Variants in DLG5 observed in about 807,000 individuals in gnomAD.
DLG5 encodes discs large MAGUK scaffold protein 5.
In DLG5, 48 loss-of-function variants were observed where a neutral mutation model predicts 189.8. The observed-to-expected ratio is 0.25, with a 90% CI of 0.20 to 0.32. The LOEUF (loss-of-function observed/expected upper bound fraction) is 0.32, where lower values mean the gene tolerates loss of function less well. DLG5 is among the 10% of genes least tolerant of loss of function. The probability of loss-of-function intolerance (pLI) is 1.00; values close to 1 mark genes in which losing one functional copy is unlikely to be tolerated. For missense variants in DLG5, 2,160 were observed against 2,544.7 expected (o/e 0.85, Z 3.25); for synonymous variants, 1,016 against 1,054.1 (o/e 0.96, Z 0.70).
chr10:77,932,856 C>T, the DLG5 span, among the ~76,000 whole-genome samples: 1 of 152,324 alleles, frequency 6.6e-6, no homozygotes, highest in East Asian at 1.9e-4. Flanking sequence ...CTCTTCCTAG[C>T]TGCTCAGGTG....
At chr10:77,806,045 G>A (rs1841455230) in intron 26 of DLG5, 184 bp from the exon 27 acceptor site, 2 of 560,012 alleles carry the variant, frequency 3.6e-6, no homozygotes, top group Admixed American at 3.4e-5. Flanking sequence ...CTGCGGGGGT[G>A]ACACAAACAC....
chr10:77,907,321 G>A (rs1307466254), intron 1 of DLG5, among the ~76,000 whole-genome samples: 1 of 152,210 alleles, frequency 6.6e-6, no homozygotes, highest in Non-Finnish European at 1.5e-5. Flanking sequence ...ACTCATGCCT[G>A]TTATCTCAGC....
chr10:77,827,648 A>G lies in DLG5; in HGVS notation c.2289+1234T>C, dbSNP rs548576779. Among the ~76,000 whole-genome samples, 11 of 152,354 alleles carry G rather than the reference A, an allele frequency of 7.2e-5. No individual in the cohort carries two copies. In the South Asian group the frequency reaches 2.1e-3, roughly 29 times the overall value. On this transcript the variant is annotated intron_variant, in intron 13 of 31. Transcript: ENST00000372391. ...ACATGTCTCCAGAGGCTCTGTGCAC[A>G]CAGGTAAAGTTCAATGCAGGACTGT...
At chr10:77,890,076 G>A (rs1333700740) in intron 1 of DLG5, among the ~76,000 whole-genome samples, 3 of 152,114 alleles carry the variant, frequency 2.0e-5, no homozygotes, top group African/African-American at 7.2e-5. Context: ...AGAACCAAGA[G>A]TTGCAAGAAG....
intron 1 of DLG5, among the ~76,000 whole-genome samples, chr10:77,870,840 G>T (rs1272813836): frequency 6.6e-6 from 1 of 152,146 alleles, no homozygotes; most frequent in African/African-American, 2.4e-5. Context: ...GCCCCTGGGG[G>T]ACAGGAGAGA....
chr10:77,887,725 C>T (rs1200787095), intron 1 of DLG5, among the ~76,000 whole-genome samples: 1 of 152,206 alleles, frequency 6.6e-6, no homozygotes, highest in Non-Finnish European at 1.5e-5. Flanking sequence ...AGAAGTAAGG[C>T]TGCTGAGGCC....
chr10:77,877,076 T>C (rs1446633909), intron 1 of DLG5, among the ~76,000 whole-genome samples: 2 of 152,000 alleles, frequency 1.3e-5, no homozygotes, highest in African/African-American at 4.8e-5. Context: ...CACTGGACTT[T>C]TGAGGCCATT....
intron 1 of DLG5, among the ~76,000 whole-genome samples, chr10:77,887,783 A>C (rs1420773177): frequency 1.3e-5 from 2 of 152,218 alleles, no homozygotes; most frequent in Non-Finnish European, 1.5e-5. Flanking sequence ...TTTTAAAGTC[A>C]CGTTCCATTT....
In DLG5 at chr10:77,821,859, T is replaced by G; in HGVS notation, c.2625A>C (p.Gly875=). 6.2e-7 allele frequency: 1 copy of G among 1,613,866 alleles called. No individual in the cohort carries two copies. The highest frequency in any genetic ancestry group is 8.5e-7 in the Non-Finnish European group (1 of 1,179,894). Residue 875 remains glycine, a synonymous_variant, in exon 15 of 32, where the codon GGA becomes GGC. Transcript: ENST00000372391. The stretch of plus-strand genomic sequence containing the variant: ...AGGCCTGGGGGCAGACCTGCAAGGG[T>G]CCCCCAGGGAATGGCTTATGCAGAA... ...SSFLHKPFPG[G]PLQVCPQACP...
At chr10:77,876,815 T>G in intron 1 of DLG5, among the ~76,000 whole-genome samples, 1 of 149,592 alleles carries the variant, frequency 6.7e-6, no homozygotes, top group Non-Finnish European at 1.5e-5. Flanking sequence ...AGGTATGCAG[T>G]GAGATCTGTG....
intron 1 of DLG5, among the ~76,000 whole-genome samples, chr10:77,885,769 T>G (rs890507958): frequency 6.6e-6 from 1 of 152,186 alleles, no homozygotes; most frequent in African/African-American, 2.4e-5. Context: ...CTCTCATAGT[T>G]TAAGGGGCAT....
Position 77,830,794 on chromosome 10 carries a change from C to G in DLG5, c.1828G>C (p.Asp610His). The G allele has an allele frequency of 6.2e-7, 1 of 1,614,208 alleles. No homozygotes were observed. The highest frequency in any genetic ancestry group is 1.6e-4 in the Middle Eastern group (1 of 6,062). The change falls in exon 10 of 32, where the codon GAC (aspartate) becomes CAC (histidine). Residue 610 changes from aspartate to histidine, a missense_variant. Transcript: ENST00000372391. Reference protein sequence around the residue: ...MAHSSHDSAIDTDSMEWETEV... With the variant: ...MAHSSHDSAIHTDSMEWETEV... ...GTTTCCCACTCCATGGAATCCGTGT[C>G]AATGGCCGAGTCGTGGGAGCTGTGG...
chr10:77,819,721 A>T, intron 16 of DLG5, 174 bp downstream of exon 16: 1 of 1,178,028 alleles, frequency 8.5e-7, no homozygotes, highest in South Asian at 1.5e-5. Flanking sequence ...AAGCTAAGAC[A>T]TGTCATGGCT....
rs773314186 is a variant in DLG5 at position 77,811,177 on chromosome 10, G to A, written c.4380C>T (p.Thr1460=). 3 of 1,613,304 alleles carry A rather than the reference G, an allele frequency of 1.9e-6. No homozygotes were observed. The highest frequency in any genetic ancestry group is 2.5e-6 in the Non-Finnish European group (3 of 1,179,996). The change falls in exon 23 of 32, where the codon ACC becomes ACT. Residue 1460 remains threonine (T), a synonymous_variant. Transcript: ENST00000372391. ...GGTCGATGACAGATGGATGCTCCGG[G>A]GTGGTGGTGCCACTGCCCTGGAGAG... ...HSTLQGSGTT[T]PEHPSVIDPL...
At chr10:77,926,924 C>A (rs755089030), upstream of DLG5, 14 of 355,286 alleles carry the variant, frequency 3.9e-5, no homozygotes, top group Admixed American at 9.4e-5. The surrounding 1 kb of genome is among the most constrained non-coding windows in gnomAD (Gnocchi z 5.2). Flanking sequence ...CCGGGCCGCG[C>A]GCCGCCCCCA....
chr10:77,908,045 G>A (rs777064993), intron 1 of DLG5, among the ~76,000 whole-genome samples: 4 of 152,112 alleles, frequency 2.6e-5, no homozygotes, highest in Non-Finnish European at 5.9e-5. Context: ...GCCACAAGAG[G>A]GCGAGGGAGT....
chr10:77,832,295 A>T (rs1266172423), intron 9 of DLG5, among the ~76,000 whole-genome samples: 2 of 152,230 alleles, frequency 1.3e-5, no homozygotes, highest in Non-Finnish European at 2.9e-5. Context: ...AAGCCTCGTT[A>T]TATCCTCAGG....
chr10:77,812,509 C>T, intron 20 of DLG5, 132 bp from the exon 21 acceptor site: 1 of 1,036,702 alleles, frequency 9.6e-7, no homozygotes, highest in Admixed American at 2.6e-5. Context: ...CATTGTGACA[C>T]AGCTACATGG....
At chr10:77,837,114 CTG>C (rs757182688) in intron 7 of DLG5, among the ~76,000 whole-genome samples, 14 of 146,042 alleles carry the variant, frequency 9.6e-5, no homozygotes, top group Non-Finnish European at 1.6e-4. Flanking sequence ...ACATGGGAGA[CTG>C]AGGCAGGAGA....
Sources: gnomAD v4.1 joint callset for allele counts (sites outside exome capture counted in the v4.1 genomes callset) on GRCh38, gnomAD v4.1.1 for gene constraint, Gnocchi (gnomAD v3.1) non-coding constraint, MANE v1.5 for transcripts, NCBI Gene and HGNC (gene_info 2026-07-23, HGNC 2026-07-21) for gene names.